MS4A13: variants seen among roughly 807,000 people sequenced by gnomAD.
MS4A13 encodes the protein membrane-spanning 4-domains subfamily A member 13.
Under a neutral mutation model 18.4 loss-of-function variants are expected in MS4A13, and 21 were observed. That is an observed-to-expected ratio of 1.14 (90% CI 0.81 to 1.64). MS4A13 has a LOEUF of 1.64. Ranked by LOEUF, MS4A13 falls within the 40% of genes most tolerant of loss-of-function variation. The probability of loss-of-function intolerance (pLI) is 0.00; values close to 1 mark genes in which losing one functional copy is unlikely to be tolerated. For synonymous variants in MS4A13, 62 were observed against 57.2 expected (o/e 1.08, Z -0.38); for missense variants, 173 against 176.8 (o/e 0.98, Z 0.12).
At chr11:60,518,713 T>C (rs2086654393) in intron 3 of MS4A13, among the ~76,000 whole-genome samples, 1 of 152,228 alleles carries the variant, frequency 6.6e-6, no homozygotes, top group Non-Finnish European at 1.5e-5. Context: ...TATTATATTT[T>C]GTTGTTTTGT....
chr11:60,542,970 C>T (rs147929236), downstream of MS4A13, among the ~76,000 whole-genome samples: 90 of 152,232 alleles, frequency 5.9e-4, no homozygotes, highest in African/African-American at 2.2e-3. Context: ...GCAGAAAGCA[C>T]ATTTTACAGT....
intron 5 of MS4A13, among the ~76,000 whole-genome samples, chr11:60,527,792 C>T (rs544476127): frequency 3.2e-4 from 49 of 152,016 alleles, no homozygotes; most frequent in South Asian, 2.3e-3. Flanking sequence ...GCCGAGATTG[C>T]GCCACTGCAC....
intron 6 of MS4A13, among the ~76,000 whole-genome samples, chr11:60,542,261 AGAAAGAAAAAG>A (rs2086866090): frequency 6.7e-6 from 1 of 149,696 alleles, no homozygotes; most frequent in Non-Finnish European, 1.5e-5. Context: ...AGAGAAAGAA[AGAAAGAAAAAG>A]GAAAGAAAGA....
At chr11:60,522,202 A>AGAT (rs200019580) in intron 3 of MS4A13, among the ~76,000 whole-genome samples, 2,301 of 36,236 alleles carry the variant, frequency 0.064, 119 homozygotes, top group East Asian at 0.37. Flanking sequence ...TCAGACAGAT[A>AGAT]GATAGATAGA....
rs138768577 is a variant in MS4A13, at chr11:60,517,745, C to G, written c.-12-327C>G. ...GTAACCACATTTTCTCTGAAGTAAC[C>G]CCAATATTCTCTCATACCATTACTT... is the stretch of plus-strand genomic sequence containing the variant. On this transcript the variant is annotated intron_variant, in intron 2 of 6. Transcript: ENST00000378186. 2.1e-3 allele frequency among the ~76,000 whole-genome samples: 327 copies of G among 152,160 alleles called. 1 individual carries two copies. The highest frequency in any genetic ancestry group is 7.4e-3 in the African/African-American group (306 of 41,516).
intron 6 of MS4A13, among the ~76,000 whole-genome samples, chr11:60,533,097 C>T (rs1276891630): frequency 9.7e-6 from 1 of 103,120 alleles, no homozygotes; most frequent in Non-Finnish European, 1.9e-5. Flanking sequence ...AAACTGGAAA[C>T]TCTAAAACGC....
intron 5 of MS4A13, 42 bp downstream of exon 5, chr11:60,525,368 A>T: frequency 7.4e-7 from 1 of 1,352,612 alleles, no homozygotes; most frequent in Non-Finnish European, 9.9e-7. Flanking sequence ...TTTTAAAATT[A>T]TTCTTTTTAA....
Position 60,542,684 on chromosome 11 carries a change from A to G in MS4A13, c.*109A>G. 1 of 592,792 alleles carries G rather than the reference A, an allele frequency of 1.7e-6. No individual in the cohort carries two copies. Among genetic ancestry groups the G allele is most frequent in the Non-Finnish European group, 2.9e-6 (1 of 348,968 alleles). The allele number at this position is 592,792 out of a possible 1,614,324, so 36.7% of individuals were successfully genotyped here. A position where few individuals can be genotyped will look rare whatever the true frequency, so the allele number is the denominator to read the frequency against. On this transcript the variant is annotated 3_prime_UTR_variant, in exon 7 of 7. Transcript: ENST00000378186. ...AAGCCTACAGATTTTGTGCAAAATA[A>G]AATACAAACAAGGTGAATTTTTCTC...
chr11:60,521,757 A>G (rs1340874087), intron 3 of MS4A13, among the ~76,000 whole-genome samples: 2 of 152,208 alleles, frequency 1.3e-5, no homozygotes, highest in Non-Finnish European at 2.9e-5. Context: ...ACCCAGTTCC[A>G]AAGTCACTTC....
chr11:60,531,469 G>C (rs184834409), intron 6 of MS4A13, among the ~76,000 whole-genome samples: 1 of 152,282 alleles, frequency 6.6e-6, no homozygotes, highest in East Asian at 1.9e-4. Flanking sequence ...GGTTGAACAA[G>C]AGGCCTTGCA....
chr11:60,525,364 AATT>A (rs1212507172), intron 5 of MS4A13, 38 bp downstream of exon 5: 6 of 1,395,516 alleles, frequency 4.3e-6, no homozygotes, highest in Non-Finnish European at 5.8e-6. Context: ...TTAATTTTAA[AATT>A]ATTCTTTTTA....
At chr11:60,522,197 C>CAGATAGAT (rs1162980039) in intron 3 of MS4A13, among the ~76,000 whole-genome samples, 208 of 129,854 alleles carry the variant, frequency 1.6e-3, no homozygotes, top group African/African-American at 4.2e-3. Context: ...AAAGATCAGA[C>CAGATAGAT]AGATAGATAG....
intron 6 of MS4A13, among the ~76,000 whole-genome samples, chr11:60,531,728 C>T (rs2086768194): frequency 6.6e-6 from 1 of 152,196 alleles, no homozygotes; most frequent in Non-Finnish European, 1.5e-5. Flanking sequence ...TTGGCTTTCA[C>T]TTGGCTGTCT....
intron 6 of MS4A13, among the ~76,000 whole-genome samples, chr11:60,530,900 C>T (rs562314439): frequency 6.1e-5 from 9 of 148,556 alleles, no homozygotes; most frequent in African/African-American, 2.2e-4. Flanking sequence ...CTTTCTCCTG[C>T]TGCCATGTGA....
chr11:60,529,348 C>G lies in MS4A13; in HGVS notation c.307-17C>G, dbSNP rs374824596. 1 of 1,493,608 alleles carries G rather than the reference C, an allele frequency of 6.7e-7. No homozygotes were observed. The highest frequency in any genetic ancestry group is 1.4e-5 in the African/African-American group (1 of 71,034). The allele number at this position is 1,493,608 out of a possible 1,614,324, so 92.5% of individuals were successfully genotyped here. A position where few individuals can be genotyped will look rare whatever the true frequency, so the allele number is the denominator to read the frequency against. ...AAGATAATAGCATTAAGATTTCTCC[C>G]TGTTTTTTGGTTATAGAAACTTGGG... On this transcript the variant is annotated splice_polypyrimidine_tract_variant and intron_variant, in intron 5 of 6. Transcript: ENST00000378186.
intron 2 of MS4A13, 88 bp from the exon 3 acceptor site, chr11:60,517,984 G>A: frequency 1.0e-6 from 1 of 996,642 alleles, no homozygotes; most frequent in Non-Finnish European, 1.4e-6. Context: ...TATTTGTAAA[G>A]GTGTTAAATG....
At chr11:60,532,239 T>G (rs1166117733) in intron 6 of MS4A13, among the ~76,000 whole-genome samples, 2 of 152,328 alleles carry the variant, frequency 1.3e-5, no homozygotes, top group East Asian at 1.9e-4. Flanking sequence ...ACGGGTGATT[T>G]CTGCATTTCC....
chr11:60,537,975 A>G (rs1171821571), intron 6 of MS4A13, among the ~76,000 whole-genome samples: 42 of 132,622 alleles, frequency 3.2e-4, no homozygotes, highest in African/African-American at 1.1e-3. Flanking sequence ...GGAATTGAAC[A>G]ATGAGATCAC....
intron 3 of MS4A13, among the ~76,000 whole-genome samples, chr11:60,522,123 C>T (rs2086677930): frequency 6.6e-6 from 1 of 151,984 alleles, no homozygotes; most frequent in South Asian, 2.1e-4. Flanking sequence ...CCGCCCACAA[C>T]ACATGGGAAT....
Sources: allele counts gnomAD v4.1 joint callset (sites outside exome capture counted in the v4.1 genomes callset), GRCh38; gene constraint gnomAD v4.1.1; transcripts MANE v1.5; gene names NCBI Gene and HGNC (gene_info 2026-07-23, HGNC 2026-07-21).